SLC14A2: variants seen among roughly 807,000 people sequenced by gnomAD.
SLC14A2 encodes the protein urea transporter 2.
Under a neutral mutation model 104.6 loss-of-function variants are expected in SLC14A2, and 91 were observed. The ratio of observed to expected loss-of-function variants is 0.87; its 90% CI spans 0.73 to 1.04. The LOEUF is 1.04. Among genes scored for constraint, SLC14A2 ranks in the 50% least tolerant of loss-of-function variants. The pLI, the probability that SLC14A2 is intolerant of heterozygous loss-of-function variation, is 0.00. For missense variants in SLC14A2, 1,189 were observed against 1,156.0 expected (o/e 1.03, Z -0.41); for synonymous variants, 476 against 466.4 (o/e 1.02, Z -0.27).
chr18:45,666,855 C>G, intron 12 of SLC14A2, 80 bp from the exon 13 acceptor site: 1 of 1,199,116 alleles, frequency 8.3e-7, no homozygotes, highest in Admixed American at 1.9e-5. Flanking sequence ...TTATTTGGTC[C>G]CTGAGTGACC....
intron 2 of SLC14A2, among the ~76,000 whole-genome samples, chr18:45,580,289 C>G (rs956719559): frequency 2.6e-5 from 4 of 152,074 alleles, no homozygotes; most frequent in African/African-American, 9.7e-5. Flanking sequence ...ATAAAAGTGT[C>G]AGAATTTGAA....
intron 2 of SLC14A2, among the ~76,000 whole-genome samples, chr18:45,510,086 T>C (rs927919449): frequency 6.6e-6 from 1 of 152,208 alleles, no homozygotes; most frequent in Admixed American, 6.5e-5. Context: ...TCTTCTTTGA[T>C]GGACAACTTC....
upstream of SLC14A2, chr18:45,212,894 T>C (rs2083973516): frequency 2.0e-5 from 3 of 152,330 alleles, no homozygotes; most frequent in South Asian, 6.2e-4. Flanking sequence ...TACCCACGTA[T>C]GCCATAGATG....
intron 1 of SLC14A2, among the ~76,000 whole-genome samples, chr18:45,448,851 C>G (rs536211909): frequency 2.6e-5 from 4 of 152,162 alleles, no homozygotes; most frequent in South Asian, 2.1e-4. Flanking sequence ...TACCCTGGTG[C>G]CTTGCTAAAA....
At chr18:45,483,897 T>C (rs964892590) in intron 2 of SLC14A2, among the ~76,000 whole-genome samples, 1 of 152,178 alleles carries the variant, frequency 6.6e-6, no homozygotes, top group African/African-American at 2.4e-5. Context: ...AGAAAGCTGC[T>C]CAAGATGGAT....
At position 45,383,723 on chromosome 18, in the gene SLC14A2, A is replaced by T. The variant is rs934801253; in HGVS notation, c.-124-99510A>T. ...GCCACCCAGGCTTAATCTTGCCCCAAGTTGTTCCATGTGTCAGTTTCTAAA... is the reference window on the plus strand; with the variant it reads ...GCCACCCAGGCTTAATCTTGCCCCATGTTGTTCCATGTGTCAGTTTCTAAA... On this transcript the variant is annotated intron_variant, in intron 1 of 20. Coordinates refer to the SLC14A2 transcript ENST00000586448. Among the ~76,000 whole-genome samples, 5 of 152,214 alleles carry T rather than the reference A, an allele frequency of 3.3e-5. No homozygotes were observed. In the South Asian group the frequency reaches 1.0e-3, roughly 32 times the overall value.
chr18:45,522,202 T>C (rs528421791), intron 2 of SLC14A2, among the ~76,000 whole-genome samples: 5 of 152,300 alleles, frequency 3.3e-5, no homozygotes, highest in African/African-American at 1.2e-4. Context: ...AAATAGAAAG[T>C]GCTGTAGGAA....
chr18:45,591,570 C>T (rs550606498), intron 2 of SLC14A2, among the ~76,000 whole-genome samples: 13 of 152,208 alleles, frequency 8.5e-5, no homozygotes, highest in Non-Finnish European at 1.6e-4. Flanking sequence ...CTCCTGACCT[C>T]GTGATCCACC....
chr18:45,667,890 T>A lies in SLC14A2; in HGVS notation c.1775T>A (p.Met592Lys), dbSNP rs772514829. The stretch of plus-strand genomic sequence containing the variant: ...GTCCTCCGAGGCACATCTCAAGTGA[T>A]GTTTGTGAACAACCCCCTCAGCGGC... ...DWVLRGTSQV[M>K]FVNNPLSGIL... Residue 592 changes from methionine (M) to lysine (K), a missense_variant, in exon 14 of 20, where the codon ATG (methionine) becomes AAG (lysine). By Grantham distance (95) the Met-to-Lys change is moderately conservative (BLOSUM62 -1). Transcript: ENST00000255226. The A allele has an allele frequency of 1.9e-6, 3 of 1,614,188 alleles. No individual in the cohort carries two copies. Among genetic ancestry groups the A allele is most frequent in the Non-Finnish European group, 2.5e-6 (3 of 1,180,018 alleles).
At chr18:45,507,009 C>T (rs2043297266) in intron 2 of SLC14A2, among the ~76,000 whole-genome samples, 1 of 152,212 alleles carries the variant, frequency 6.6e-6, no homozygotes, top group Non-Finnish European at 1.5e-5. Context: ...CTTGAGCTCC[C>T]TGTCTTCACT....
chr18:45,447,149 T>C (rs1300842201), intron 1 of SLC14A2: 1 of 152,192 alleles, frequency 6.6e-6, no homozygotes, highest in Non-Finnish European at 1.5e-5. Context: ...CCCTGGGAGC[T>C]GCCCAGACTC....
the SLC14A2 span, among the ~76,000 whole-genome samples, chr18:45,192,642 T>TTTG: frequency 9.7e-5 from 14 of 144,930 alleles, no homozygotes; most frequent in African/African-American, 3.3e-4. Flanking sequence ...GTGTGGTTTT[T>TTTG]TTTTGTTTTG....
intron 1 of SLC14A2, among the ~76,000 whole-genome samples, chr18:45,458,522 C>A (rs2086985225): frequency 2.0e-5 from 3 of 152,126 alleles, no homozygotes; most frequent in African/African-American, 7.2e-5. Context: ...ACTTAAAAGT[C>A]TCCGTTTTCT....
At chr18:45,293,462 TGA>T (rs2084890509) in intron 1 of SLC14A2, among the ~76,000 whole-genome samples, 1 of 151,632 alleles carries the variant, frequency 6.6e-6, no homozygotes, top group Non-Finnish European at 1.5e-5. Flanking sequence ...CCAGAGACAA[TGA>T]GAGAGACTAA....
chr18:45,562,536 A>G (rs2044214920), intron 2 of SLC14A2, among the ~76,000 whole-genome samples: 1 of 152,118 alleles, frequency 6.6e-6, no homozygotes, highest in African/African-American at 2.4e-5. Flanking sequence ...GGAATGTTAG[A>G]TGTCTTGTCT....
chr18:45,544,933 C>G (rs951630703), intron 2 of SLC14A2, among the ~76,000 whole-genome samples: 13 of 151,684 alleles, frequency 8.6e-5, no homozygotes, highest in Middle Eastern at 3.2e-3. Context: ...ACCGGGATTA[C>G]AGGCATGCAA....
At chr18:45,260,019 CCTTAGCAA>C (rs2084519843) in intron 1 of SLC14A2, among the ~76,000 whole-genome samples, 1 of 152,130 alleles carries the variant, frequency 6.6e-6, no homozygotes, top group African/African-American at 2.4e-5. Flanking sequence ...CTAACTACTC[CCTTAGCAA>C]ACTCTGACAG....
chr18:45,184,820 G>A, the SLC14A2 span, among the ~76,000 whole-genome samples: 1 of 152,182 alleles, frequency 6.6e-6, no homozygotes, highest in East Asian at 1.9e-4. Flanking sequence ...TCAAAGCATT[G>A]ACTTCATCCA....
chr18:45,217,671 T>C (rs2084023099), intron 1 of SLC14A2, among the ~76,000 whole-genome samples: 1 of 152,240 alleles, frequency 6.6e-6, no homozygotes, highest in Non-Finnish European at 1.5e-5. Flanking sequence ...GTAAGATTTA[T>C]AAATTACCTG....
Sources: gnomAD v4.1 joint callset for allele counts (sites outside exome capture counted in the v4.1 genomes callset) on GRCh38, gnomAD v4.1.1 for gene constraint, MANE v1.5 for transcripts, NCBI Gene and HGNC (gene_info 2026-07-23, HGNC 2026-07-21) for gene names.